Variants in NALF1 observed in about 807,000 individuals in gnomAD.
NALF1 encodes family with sequence similarity 155 member A.
In NALF1, 3 loss-of-function variants were observed where a neutral mutation model predicts 48.4. The ratio of observed to expected loss-of-function variants is 0.06; its 90% confidence interval spans 0.03 to 0.16. The LOEUF is 0.16. Among genes scored for constraint, NALF1 ranks in the 10% least tolerant of loss-of-function variants. The pLI, the probability that NALF1 is intolerant of heterozygous loss-of-function variation, is 1.00. For synonymous variants in NALF1, 262 were observed against 245.7 expected (o/e 1.07, Z -0.62); for missense variants, 526 against 571.5 (o/e 0.92, Z 0.81).
At chr13:107,753,580 A>G (rs1877002184) in intron 1 of NALF1, among the ~76,000 whole-genome samples, 1 of 152,102 alleles carries the variant, frequency 6.6e-6, no homozygotes, top group Non-Finnish European at 1.5e-5. Flanking sequence ...ACTTTCTTAA[A>G]GCACATAAAA....
chr13:107,860,526 T>C (rs1880545003), intron 1 of NALF1, among the ~76,000 whole-genome samples: 1 of 152,160 alleles, frequency 6.6e-6, no homozygotes, highest in South Asian at 2.1e-4. Flanking sequence ...AGGGTTGGGA[T>C]GCCCTGGCCT....
At chr13:107,623,449 A>G (rs1383133131) in intron 1 of NALF1, among the ~76,000 whole-genome samples, 2 of 141,458 alleles carry the variant, frequency 1.4e-5, no homozygotes, top group Non-Finnish European at 1.6e-5. Context: ...GAAATTAGAA[A>G]AAAAAAAAAA....
chr13:107,718,311 A>C (rs533961562), intron 1 of NALF1, among the ~76,000 whole-genome samples: 1 of 152,324 alleles, frequency 6.6e-6, no homozygotes, highest in Admixed American at 6.5e-5. Context: ...AGTAGTCCCT[A>C]AAAGTCAGAA....
chr13:107,380,073 C>CT lies in NALF1; in HGVS notation c.916-169319dup, dbSNP rs960340973. On this transcript the variant is annotated intron_variant, in intron 1 of 2. Coordinates refer to ENST00000375915, the MANE Select transcript of NALF1 (RefSeq NM_001080396.3). ...TTTCCTTAATGGGCTGATATGGCTC[C>CT]TTTTTTTTTCTATGATACGGGAAAA... is the stretch of plus-strand genomic sequence containing the variant. Among the ~76,000 whole-genome samples the CT allele has an allele frequency of 2.9e-3, 440 of 151,436 alleles. 1 individual carries two copies. The highest frequency in any genetic ancestry group is 1.0e-2 in the African/African-American group (412 of 41,306).
intron 1 of NALF1, among the ~76,000 whole-genome samples, chr13:107,591,565 A>G (rs149823972): frequency 1.6e-4 from 25 of 152,116 alleles, no homozygotes; most frequent in African/African-American, 5.5e-4. Flanking sequence ...TTTGCCTCCA[A>G]CTGAGTGAAA....
chr13:107,320,092 T>C (rs1461862418), intron 1 of NALF1, among the ~76,000 whole-genome samples: 1 of 152,104 alleles, frequency 6.6e-6, no homozygotes, highest in Non-Finnish European at 1.5e-5. Context: ...GAAGAGATGT[T>C]CTAGAAAAGG....
At chr13:107,182,305 C>G (rs886166883) in intron 2 of NALF1, among the ~76,000 whole-genome samples, 1 of 151,396 alleles carries the variant, frequency 6.6e-6, no homozygotes, top group South Asian at 2.1e-4. Flanking sequence ...GGGTCTGGCT[C>G]TGTCACTCAG....
chr13:107,652,018 T>C (rs2138468479), intron 1 of NALF1, among the ~76,000 whole-genome samples: 1 of 152,332 alleles, frequency 6.6e-6, no homozygotes, highest in South Asian at 2.1e-4. Flanking sequence ...GATATAAACA[T>C]GTTTAACTCT....
intron 1 of NALF1, among the ~76,000 whole-genome samples, chr13:107,494,071 G>A (rs1312306663): frequency 7.2e-6 from 1 of 138,420 alleles, no homozygotes; most frequent in Non-Finnish European, 1.5e-5. Context: ...CTTCATAAAT[G>A]TGGTTCTGAA....
intron 2 of NALF1, among the ~76,000 whole-genome samples, chr13:107,204,370 G>A (rs1183790852): frequency 1.3e-5 from 2 of 152,276 alleles, no homozygotes; most frequent in Non-Finnish European, 2.9e-5. Flanking sequence ...CCTGGGCACT[G>A]TGTTCTGGCA....
intron 1 of NALF1, among the ~76,000 whole-genome samples, chr13:107,767,353 G>C (rs1877444260): frequency 6.6e-6 from 1 of 152,178 alleles, no homozygotes; most frequent in Non-Finnish European, 1.5e-5. Flanking sequence ...TCCTGCTGCT[G>C]TATGTCCAAG....
chr13:107,388,805 A>G (rs138698703), intron 1 of NALF1, among the ~76,000 whole-genome samples: 194 of 152,264 alleles, frequency 1.3e-3, no homozygotes, highest in Non-Finnish European at 2.4e-3. Context: ...TTTAACCTGC[A>G]CCACGGCAGG....
At chr13:107,426,546 T>C (rs1426155063) in intron 1 of NALF1, among the ~76,000 whole-genome samples, 2 of 152,132 alleles carry the variant, frequency 1.3e-5, no homozygotes, top group Non-Finnish European at 2.9e-5. Context: ...TTGGGTTAAT[T>C]ATTTTTTACC....
intron 2 of NALF1, among the ~76,000 whole-genome samples, chr13:107,191,002 G>A (rs1231763693): frequency 6.6e-6 from 1 of 152,156 alleles, no homozygotes; most frequent in Non-Finnish European, 1.5e-5. Flanking sequence ...TGGAAAATAG[G>A]TATTTAGTTC....
intron 1 of NALF1, among the ~76,000 whole-genome samples, chr13:107,417,397 GTATC>G (rs1474190751): frequency 6.6e-6 from 1 of 150,650 alleles, no homozygotes; most frequent in Non-Finnish European, 1.5e-5. Flanking sequence ...ATAAAAGTAG[GTATC>G]TATTATCTTC....
At chr13:107,391,805 T>C (rs1883632270) in intron 1 of NALF1, among the ~76,000 whole-genome samples, 1 of 152,094 alleles carries the variant, frequency 6.6e-6, no homozygotes, top group Non-Finnish European at 1.5e-5. Context: ...CCAATATATT[T>C]CTTAAATATA....
intron 1 of NALF1, among the ~76,000 whole-genome samples, chr13:107,844,378 A>G (rs1880117962): frequency 6.6e-6 from 1 of 152,174 alleles, no homozygotes; most frequent in Admixed American, 6.6e-5. Context: ...GCAAGATACT[A>G]ATAAGAATTT....
At chr13:107,805,531 A>C (rs1472129929) in intron 1 of NALF1, among the ~76,000 whole-genome samples, 1 of 152,152 alleles carries the variant, frequency 6.6e-6, no homozygotes, top group Non-Finnish European at 1.5e-5. Context: ...TTACAGAGGG[A>C]TAGAAATGGA....
chr13:107,398,386 CAA>C (rs11369345), intron 1 of NALF1, among the ~76,000 whole-genome samples: 13 of 128,414 alleles, frequency 1.0e-4, no homozygotes, highest in East Asian at 2.4e-4. Context: ...AACAAACATC[CAA>C]AAAAAAAAAA....
Sources: allele counts gnomAD v4.1 joint callset (sites outside exome capture counted in the v4.1 genomes callset), GRCh38; gene constraint gnomAD v4.1.1; transcripts MANE v1.5; gene names NCBI Gene and HGNC (gene_info 2026-07-23, HGNC 2026-07-21).